MTUS2: variants seen among roughly 807,000 people sequenced by gnomAD.
The protein encoded by MTUS2 is microtubule associated scaffold protein 2, also known as microtubule-associated tumor suppressor candidate 2.
MTUS2 carries 40 observed loss-of-function variants against 114.1 expected under a neutral mutation model. The observed-to-expected ratio is 0.35, with a 90% CI of 0.27 to 0.46. The LOEUF (loss-of-function observed/expected upper bound fraction) is 0.46. Ranked by LOEUF, MTUS2 falls within the 20% of genes least tolerant of loss-of-function variation. MTUS2 has a pLI of 1.00. For synonymous variants in MTUS2, 688 were observed against 672.0 expected (o/e 1.02, Z -0.37); for missense variants, 1,679 against 1,705.4 (o/e 0.98, Z 0.27).
chr13:29,146,070 A>G lies in MTUS2; in HGVS notation c.2644+45100A>G, dbSNP rs192970278. On this transcript the variant is annotated intron_variant, in intron 5 of 15. Coordinates refer to ENST00000612955, the MANE Select transcript of MTUS2 (RefSeq NM_001033602.4). ...GCTATTGATGATGGTGATTCTTTAT[A>G]TATCTTGGTTCATTACATAAAGTGC... 2.0e-5 allele frequency among the ~76,000 whole-genome samples: 3 copies of G among 152,310 alleles called. No individual in the cohort carries two copies. The East Asian group carries it at 5.8e-4, about 29-fold the overall frequency.
At chr13:28,915,806 A>G (rs1880714117) in intron 2 of MTUS2, among the ~76,000 whole-genome samples, 2 of 151,428 alleles carry the variant, frequency 1.3e-5, no homozygotes, top group South Asian at 4.2e-4. Context: ...ACTTGATATG[A>G]TCTCATTTGT....
chr13:29,048,091 T>A (rs1449896348), intron 4 of MTUS2, among the ~76,000 whole-genome samples: 2 of 152,260 alleles, frequency 1.3e-5, no homozygotes, highest in African/African-American at 4.8e-5. Flanking sequence ...TTTTGCCTAC[T>A]ATCATTAATG....
chr13:29,417,362 G>A lies in MTUS2; in HGVS notation c.3118-22621G>A, dbSNP rs1264796149. Among the ~76,000 whole-genome samples, 3 of 152,166 alleles carry A rather than the reference G, an allele frequency of 2.0e-5. No homozygotes were observed. The East Asian group carries it at 5.8e-4, about 29-fold the overall frequency. On this transcript the variant is annotated intron_variant, in intron 8 of 15. Coordinates refer to ENST00000612955, the MANE Select transcript of MTUS2 (RefSeq NM_001033602.4). ...AACACTGGGGACCACATTTCAACAG[G>A]AGATTTAGAGAGGGTGAAATCCAAA...
intron 4 of MTUS2, among the ~76,000 whole-genome samples, chr13:29,092,007 C>A (rs1226872497): frequency 6.6e-6 from 1 of 152,182 alleles, no homozygotes; most frequent in Non-Finnish European, 1.5e-5. Context: ...GTTGTTGTAG[C>A]CACCCTGAAG....
intron 5 of MTUS2, among the ~76,000 whole-genome samples, chr13:29,280,082 T>C (rs2139534994): frequency 6.6e-6 from 1 of 152,324 alleles, no homozygotes; most frequent in African/African-American, 2.4e-5. Context: ...TATCATTCAA[T>C]TCCTGAGAGA....
intron 5 of MTUS2, among the ~76,000 whole-genome samples, chr13:29,226,200 T>G (rs1175118921): frequency 6.6e-6 from 1 of 152,162 alleles, no homozygotes; most frequent in South Asian, 2.1e-4. Flanking sequence ...TACATTCACT[T>G]TAGGTTAAGT....
intron 5 of MTUS2, among the ~76,000 whole-genome samples, chr13:29,202,552 G>A (rs1895003790): frequency 6.6e-6 from 1 of 152,034 alleles, no homozygotes; most frequent in Non-Finnish European, 1.5e-5. Context: ...TCCCTTGCTG[G>A]CGAGGAGTTG....
intron 6 of MTUS2, chr13:29,307,042 G>C: frequency 1.9e-6 from 1 of 520,054 alleles, no homozygotes; most frequent in Non-Finnish European, 3.8e-6. Context: ...CAAATGGGGT[G>C]ATGCTGGCAC....
intron 2 of MTUS2, among the ~76,000 whole-genome samples, chr13:28,869,499 A>G (rs959064052): frequency 4.6e-5 from 7 of 152,222 alleles, no homozygotes; most frequent in Admixed American, 1.3e-4. Flanking sequence ...AAGGCCAGGC[A>G]CAGTGGCTTA....
chr13:29,373,549 C>G (rs1269809905), intron 8 of MTUS2, among the ~76,000 whole-genome samples: 1 of 152,214 alleles, frequency 6.6e-6, no homozygotes, highest in Non-Finnish European at 1.5e-5. Flanking sequence ...CTCATCCTAA[C>G]AGCATACACG....
intron 15 of MTUS2, 49 bp from the exon 16 acceptor site, chr13:29,502,944 C>T: frequency 6.3e-7 from 1 of 1,581,600 alleles, no homozygotes; most frequent in Non-Finnish European, 8.7e-7. Context: ...ACCTCAGGTT[C>T]AGTGTCCACT....
chr13:29,445,715 T>G (rs772072852), intron 9 of MTUS2, among the ~76,000 whole-genome samples: 2 of 150,866 alleles, frequency 1.3e-5, no homozygotes, highest in Non-Finnish European at 2.9e-5. Context: ...AAGGCCAGCC[T>G]GGCCATGGCG....
intron 7 of MTUS2, among the ~76,000 whole-genome samples, chr13:29,333,997 C>CTT (rs1900927157): frequency 6.6e-6 from 1 of 152,180 alleles, no homozygotes; most frequent in Admixed American, 6.5e-5. Flanking sequence ...TTATCAGAGA[C>CTT]TAGGATTGCA....
At chr13:29,481,184 G>A (rs1055976279) in intron 10 of MTUS2, among the ~76,000 whole-genome samples, 3 of 152,146 alleles carry the variant, frequency 2.0e-5, no homozygotes, top group Admixed American at 6.5e-5. Flanking sequence ...GTTAACCTTC[G>A]CCCAGAAACC....
At position 28,944,580 on chromosome 13, in the gene MTUS2, C is replaced by T. The variant is rs148878583; in HGVS notation, c.-242-79877C>T. ...CTGAGTTATTAGTTGTATTCTATTG[C>T]TCTTTCTTATGGTAATGTAACATTG... On this transcript the variant is annotated intron_variant, in intron 2 of 15. Transcript: ENST00000612955. 2.0e-3 allele frequency among the ~76,000 whole-genome samples: 299 copies of T among 152,246 alleles called. 1 individual carries two copies. Among genetic ancestry groups the T allele is most frequent in the African/African-American group, 6.8e-3 (281 of 41,544 alleles).
In MTUS2 at chr13:29,305,778, C is replaced by T. The variant is rs113254427; in HGVS notation, c.2807-18835C>T. ...TTGAAGAGGAGGGACTCCTTCCTAA[C>T]TCATTCTATGAGGCCAGCGTTATCC... On this transcript the variant is annotated intron_variant, in intron 6 of 15. Transcript: ENST00000612955. Among the ~76,000 whole-genome samples the T allele has an allele frequency of 6.1e-3, 934 of 152,346 alleles. 13 individuals are homozygous for T. Among genetic ancestry groups the T allele is most frequent in the African/African-American group, 0.021 (890 of 41,580 alleles).
chr13:29,089,203 C>T (rs531653176), intron 4 of MTUS2, among the ~76,000 whole-genome samples: 105 of 152,258 alleles, frequency 6.9e-4, no homozygotes, highest in African/African-American at 2.4e-3. Flanking sequence ...ATTTCTCCTT[C>T]GCTTATGAAG....
intron 6 of MTUS2, among the ~76,000 whole-genome samples, chr13:29,299,082 G>A (rs935668852): frequency 6.6e-6 from 1 of 152,144 alleles, no homozygotes; most frequent in African/African-American, 2.4e-5. Context: ...CTTTGTGGGA[G>A]AATAATAAAG....
chr13:29,330,249 G>T (rs898132968), intron 7 of MTUS2, among the ~76,000 whole-genome samples: 6 of 152,182 alleles, frequency 3.9e-5, no homozygotes, highest in Non-Finnish European at 8.8e-5. Context: ...TTTGAGAAGT[G>T]TCTGTTGATT....
Sources: gnomAD v4.1 joint callset for allele counts (sites outside exome capture counted in the v4.1 genomes callset) on GRCh38, gnomAD v4.1.1 for gene constraint, MANE v1.5 for transcripts, NCBI Gene and HGNC (gene_info 2026-07-23, HGNC 2026-07-21) for gene names.